CATSPERT: variants seen among roughly 807,000 people sequenced by gnomAD.
The protein encoded by CATSPERT is cation channel sperm-associated targeting subunit tau.
chr2:201,489,859 A>ATT, the CATSPERT span, among the ~76,000 whole-genome samples: 290 of 142,862 alleles, frequency 2.0e-3, 1 homozygote, highest in Middle Eastern at 3.5e-3. Context: ...TACTTTCCTA[A>ATT]TTTTTTTTTT....
chr2:201,598,956 G>C, the CATSPERT span, among the ~76,000 whole-genome samples: 1 of 152,032 alleles, frequency 6.6e-6, no homozygotes, highest in East Asian at 1.9e-4. Context: ...TAGAAAACTA[G>C]AGACCATTCC....
chr2:201,560,444 TAATAATAATAATAATAATAATAATAAC>T, the CATSPERT span, among the ~76,000 whole-genome samples: 8,818 of 86,746 alleles, frequency 0.1, 355 homozygotes, highest in African/African-American at 0.14. Context: ...ATAATAATAA[TAATAATAATAATAATAATAATAATAAC>T]AACAACAACA....
At chr2:201,594,169 G>A in the CATSPERT span, among the ~76,000 whole-genome samples, 1 of 152,150 alleles carries the variant, frequency 6.6e-6, no homozygotes, top group Non-Finnish European at 1.5e-5. Context: ...TTTAGGGCAG[G>A]CCTGGTGGTG....
At chr2:201,516,562 G>A in the CATSPERT span, among the ~76,000 whole-genome samples, 1 of 152,094 alleles carries the variant, frequency 6.6e-6, no homozygotes. Flanking sequence ...ATTATAATTC[G>A]AGATGAGATT....
At chr2:201,615,866 A>G in the CATSPERT span, among the ~76,000 whole-genome samples, 5 of 152,184 alleles carry the variant, frequency 3.3e-5, no homozygotes, top group Non-Finnish European at 1.5e-5. Context: ...AAAAAATGAT[A>G]AAGGGGATAT....
chr2:201,547,514 C>T, the CATSPERT span: 1 of 1,523,536 alleles, frequency 6.6e-7, no homozygotes, highest in South Asian at 1.2e-5. Context: ...CCTCAGAATC[C>T]TTATGTTCCA....
the CATSPERT span, chr2:201,536,388 G>A: frequency 1.3e-6 from 2 of 1,499,172 alleles, no homozygotes; most frequent in African/African-American, 1.4e-5. Flanking sequence ...TACAAATTAA[G>A]AAAATGACTC....
the CATSPERT span, among the ~76,000 whole-genome samples, chr2:201,499,704 G>A: frequency 3.3e-5 from 5 of 151,768 alleles, no homozygotes; most frequent in Non-Finnish European, 7.4e-5. Context: ...GTGTGGTGGT[G>A]CAGCCTATGG....
the CATSPERT span, among the ~76,000 whole-genome samples, chr2:201,510,206 G>C: frequency 2.7e-5 from 4 of 150,434 alleles, 1 homozygote; most frequent in African/African-American, 1.0e-4. Flanking sequence ...TCATTTGGGA[G>C]GCCAAGGTGG....
At chr2:201,565,871 T>A in the CATSPERT span, 1 of 1,570,986 alleles carries the variant, frequency 6.4e-7, no homozygotes, top group Non-Finnish European at 8.6e-7. Context: ...GTAATAACTT[T>A]TCTGCAAAAT....
the CATSPERT span, chr2:201,547,560 TTATC>T: frequency 6.4e-7 from 1 of 1,559,848 alleles, no homozygotes; most frequent in Non-Finnish European, 8.7e-7. Context: ...ATAGTTAGCT[TTATC>T]TATCCATGTA....
At chr2:201,534,590 A>T in the CATSPERT span, 1 of 983,670 alleles carries the variant, frequency 1.0e-6, no homozygotes, top group Non-Finnish European at 1.2e-6. Context: ...TACTCATAGC[A>T]GGGAAAACCA....
chr2:201,495,864 T>G, the CATSPERT span: 3 of 1,403,026 alleles, frequency 2.1e-6, no homozygotes, highest in South Asian at 3.8e-5. Context: ...TTAAGTATAA[T>G]GATACTGGGA....
the CATSPERT span, among the ~76,000 whole-genome samples, chr2:201,529,717 C>T: frequency 1.3e-5 from 2 of 152,026 alleles, no homozygotes; most frequent in Non-Finnish European, 2.9e-5. Context: ...GGATAGGACT[C>T]CAAAAATGCA....
the CATSPERT span, among the ~76,000 whole-genome samples, chr2:201,613,624 A>T: frequency 6.6e-6 from 1 of 152,224 alleles, no homozygotes; most frequent in South Asian, 2.1e-4. Flanking sequence ...AAAGCTGAAA[A>T]TTCTAAAAAT....
chr2:201,507,640 A>G, the CATSPERT span, among the ~76,000 whole-genome samples: 1 of 152,368 alleles, frequency 6.6e-6, no homozygotes, highest in South Asian at 2.1e-4. Context: ...GAAACAGCTC[A>G]TGTACATAAG....
the CATSPERT span, among the ~76,000 whole-genome samples, chr2:201,546,693 C>G: frequency 6.6e-6 from 1 of 152,082 alleles, no homozygotes; most frequent in Non-Finnish European, 1.5e-5. Context: ...TACGATGATG[C>G]AGCTGCTGTG....
the CATSPERT span, among the ~76,000 whole-genome samples, chr2:201,502,230 T>C: frequency 6.6e-6 from 1 of 152,206 alleles, no homozygotes; most frequent in African/African-American, 2.4e-5. Context: ...TTCATTTTCT[T>C]TCATTACTAT....
the CATSPERT span, chr2:201,618,852 C>T: frequency 1.9e-6 from 3 of 1,586,472 alleles, no homozygotes; most frequent in South Asian, 3.4e-5. Flanking sequence ...TCCAGGTGCC[C>T]TGCTGGCCCC....
Sources: gnomAD v4.1 joint callset for allele counts (sites outside exome capture counted in the v4.1 genomes callset) on GRCh38, gnomAD v4.1.1 for gene constraint, MANE v1.5 for transcripts, NCBI Gene and HGNC (gene_info 2026-07-23, HGNC 2026-07-21) for gene names.